NEB: variants seen among roughly 807,000 people sequenced by gnomAD.
NEB encodes nemaline myopathy type 2.
In NEB, 512 loss-of-function variants were observed where a neutral mutation model predicts 952.2. The ratio of observed to expected loss-of-function variants is 0.54; its 90% CI spans 0.50 to 0.58. The LOEUF (loss-of-function observed/expected upper bound fraction) is 0.58, where lower values mean the gene tolerates loss of function less well. Among genes scored for constraint, NEB ranks in the 20% least tolerant of loss-of-function variants. NEB has a pLI of 0.00. For synonymous variants in NEB, 2,900 were observed against 3,149.8 expected (o/e 0.92, Z 2.66); for missense variants, 8,428 against 9,231.1 (o/e 0.91, Z 3.56).
In NEB at chr2:151,485,804, C is replaced by G. The variant is rs751394716; in HGVS notation, c.25534G>C (p.Gly8512Arg). The change falls in exon 182 of 182, where the codon GGC becomes CGC. Residue 8512 changes from glycine (G) to arginine (R), a missense_variant. Physicochemically the swap from Gly to Arg is moderately radical, Grantham distance 125 (BLOSUM62 -2). Around this residue, in one of 11 missense-constraint regions of NEB, gnomAD observed 3,374 missense variants for 3,651.5 expected, o/e 0.92. Transcript: ENST00000397345. The stretch of plus-strand genomic sequence containing the variant: ...TTGGCTGGGAGCATTCCGGTCCTGC[C>G]AGTCCTCTGCACAGTGCCATACATC... The part of the protein sequence containing the change: ...GWMYGTVQRT[G>R]RTGMLPANYV... 7 of 1,613,382 alleles carry G rather than the reference C, an allele frequency of 4.3e-6. No homozygotes were observed. The East Asian group carries it at 1.6e-4, about 36-fold the overall frequency.
At chr2:151,503,579 A>G in intron 165 of NEB, 138 bp from the exon 166 acceptor site, 1 of 562,210 alleles carries the variant, frequency 1.8e-6, no homozygotes. Context: ...ACAGGGGGGA[A>G]AATTCCATGA....
At chr2:151,554,068 C>G in intron 125 of NEB, 43 bp from the exon 126 acceptor site, 1 of 1,591,448 alleles carries the variant, frequency 6.3e-7, no homozygotes, top group Non-Finnish European at 8.6e-7. Flanking sequence ...GGAAATTGTG[C>G]CAAGGCATCA....
At chr2:151,568,857 T>G in intron 110 of NEB, 141 bp from the exon 111 acceptor site, 1 of 656,184 alleles carries the variant, frequency 1.5e-6, no homozygotes, top group East Asian at 2.8e-5. Flanking sequence ...AATTTGGCTT[T>G]CTTTTTAGCA....
chr2:151,733,629 C>T (rs2099814104), intron 2 of NEB, 83 bp downstream of exon 2: 1 of 153,698 alleles, frequency 6.5e-6, no homozygotes, highest in Non-Finnish European at 1.4e-5. Flanking sequence ...TGCCCTGATC[C>T]ACTGTTTGCA....
At chr2:151,512,339 CTTTTT>C (rs943434444) in intron 161 of NEB, among the ~76,000 whole-genome samples, 1 of 148,562 alleles carries the variant, frequency 6.7e-6, no homozygotes, top group African/African-American at 2.5e-5. Context: ...GGGCTTCTCT[CTTTTT>C]TTTTTAAGAG....
At chr2:151,724,217 G>T in intron 8 of NEB, 43 bp downstream of exon 8, 1 of 1,401,436 alleles carries the variant, frequency 7.1e-7, no homozygotes, top group South Asian at 1.2e-5. Flanking sequence ...TATATGATGG[G>T]ATGACATAGG....
chr2:151,570,566 C>A lies in NEB; in HGVS notation c.17049G>T (p.Ala5683=), dbSNP rs140688592. ...TGGCATCCAGCCGGACATCACAGCC[C>A]GCCTTCATTTCATCCCAGCCCTCAC... ...LYREGWDEMK[A]GCDVRLDAIP... is the part of the protein sequence containing the mutation. Residue 5683 remains alanine (A), a synonymous_variant, in exon 108 of 182, where the codon GCG becomes GCT. Coordinates refer to ENST00000397345, the MANE Select transcript of NEB (RefSeq NM_001164508.2). 9.6e-3 allele frequency: 15,445 copies of A among 1,605,778 alleles called. 101 individuals carry two copies. The highest frequency in any genetic ancestry group is 0.012 in the Non-Finnish European group (13,647 of 1,176,240).
chr2:151,670,455 C>G (rs1170042239), intron 38 of NEB, among the ~76,000 whole-genome samples: 4 of 151,966 alleles, frequency 2.6e-5, no homozygotes, highest in African/African-American at 9.7e-5. Context: ...ATGAGACATA[C>G]AGACGTGTCT....
intron 6 of NEB, 42 bp downstream of exon 6, chr2:151,725,411 T>C: frequency 1.3e-6 from 2 of 1,518,950 alleles, no homozygotes; most frequent in Non-Finnish European, 1.8e-6. Context: ...AGTAGGTGTA[T>C]TTTGAAATGT....
At position 151,524,416 on chromosome 2, in the gene NEB, C is replaced by T. The variant is rs949331605; in HGVS notation, c.22375-1G>A. On this transcript the variant is annotated splice_acceptor_variant, in intron 152 of 181. Transcript: ENST00000397345. LOFTEE classifies it high-confidence loss of function. ...TGCGGTGCTTGGCTCTGTACTCCAC[C>T]TGAATCAGAGAAAACCAAAATGGGC... The T allele has an allele frequency of 6.8e-6, 11 of 1,613,870 alleles. No homozygotes were observed. The highest frequency in any genetic ancestry group is 1.7e-5 in the Admixed American group (1 of 60,006).
At chr2:151,499,871 T>C (rs1367278657) in intron 168 of NEB, among the ~76,000 whole-genome samples, 1 of 152,222 alleles carries the variant, frequency 6.6e-6, no homozygotes, top group Non-Finnish European at 1.5e-5. Context: ...ATATGTGGCA[T>C]TGTCTATTTT....
chr2:151,696,796 C>T, intron 16 of NEB, 61 bp from the exon 17 acceptor site: 1 of 1,254,874 alleles, frequency 8.0e-7, no homozygotes, highest in Non-Finnish European at 1.2e-6. Context: ...AGGTGGCCCA[C>T]AGGCCAAGCA....
chr2:151,687,083 A>C (rs1485001119), intron 27 of NEB, among the ~76,000 whole-genome samples: 1 of 151,884 alleles, frequency 6.6e-6, no homozygotes, highest in Non-Finnish European at 1.5e-5. Context: ...TTTGAAAATT[A>C]TCATTTTAAA....
intron 36 of NEB, among the ~76,000 whole-genome samples, chr2:151,673,226 C>T (rs1204340564): frequency 6.6e-6 from 1 of 152,168 alleles, no homozygotes; most frequent in African/African-American, 2.4e-5. Context: ...TGTCCAAAGT[C>T]TCTCACTGCT....
chr2:151,639,671 T>C (rs2098823383), intron 62 of NEB, among the ~76,000 whole-genome samples, 186 bp downstream of exon 62: 1 of 152,170 alleles, frequency 6.6e-6, no homozygotes, highest in Non-Finnish European at 1.5e-5. Flanking sequence ...CATGAAACAA[T>C]GACTAAATAT....
Position 151,575,795 on chromosome 2 carries a change from T to A in NEB, c.16913A>T (p.Lys5638Met), listed in dbSNP as rs1023007562. The A allele has an allele frequency of 1.9e-6, 3 of 1,589,922 alleles. No homozygotes were observed. Among genetic ancestry groups the A allele is most frequent in the Non-Finnish European group, 2.6e-6 (3 of 1,158,034 alleles). ...ATCCTTGTCCCAAACCTCTCTGTAC[T>A]TTGGCTGTGGAAAGAAACAAAAATA... ...KSNAENISIP[K>M]YREVWDKDKT... The change falls in exon 107 of 182, where the codon AAG (lysine) becomes ATG (methionine). Residue 5638 changes from lysine to methionine, a missense_variant. Physicochemically the swap from Lys to Met is moderately conservative, Grantham distance 95. Coordinates refer to ENST00000397345, the MANE Select transcript of NEB (RefSeq NM_001164508.2).
chr2:151,669,640 A>G (rs2099261934), intron 38 of NEB, among the ~76,000 whole-genome samples: 2 of 152,166 alleles, frequency 1.3e-5, no homozygotes, highest in African/African-American at 4.8e-5. Flanking sequence ...CAGGGCTGGA[A>G]TGTGCCTGGG....
At chr2:151,524,214 G>T in intron 153 of NEB, 97 bp downstream of exon 153, 1 of 1,009,102 alleles carries the variant, frequency 9.9e-7, no homozygotes, top group Non-Finnish European at 1.5e-6. Flanking sequence ...TACAGACCCA[G>T]CATCCCTTTG....
At position 151,547,413 on chromosome 2, in the gene NEB, C is replaced by A. The variant is rs145636096; in HGVS notation, c.20367+16G>T. 1 of 1,562,954 alleles carries A rather than the reference C, an allele frequency of 6.4e-7. No homozygotes were observed. ...TTGGTAAGACTACTCCAGAAAGACCCCTACGAGATGCTTACATCACTGGTG... is the reference window on the plus strand; with the variant it reads ...TTGGTAAGACTACTCCAGAAAGACCACTACGAGATGCTTACATCACTGGTG... On this transcript the variant is annotated intron_variant, in intron 133 of 181. Transcript: ENST00000397345.
Sources: gnomAD v4.1 joint callset for allele counts (sites outside exome capture counted in the v4.1 genomes callset) on GRCh38, gnomAD v4.1.1 for gene constraint, gnomAD v4.1.1 regional missense constraint, MANE v1.5 for transcripts, NCBI Gene and HGNC (gene_info 2026-07-23, HGNC 2026-07-21) for gene names.